The following ZFHX3 variants were observed in gnomAD, a reference collection of about 807,000 sequenced individuals.
ZFHX3 encodes the protein zinc finger homeobox protein 3.
In ZFHX3, 42 loss-of-function variants were observed where a neutral mutation model predicts 279.1. The observed-to-expected ratio is 0.15, with a 90% CI of 0.12 to 0.19. ZFHX3 has a LOEUF of 0.19. Ranked by LOEUF, ZFHX3 falls within the 10% of genes least tolerant of loss-of-function variation. The pLI, the probability that ZFHX3 is intolerant of heterozygous loss-of-function variation, is 1.00. For missense variants in ZFHX3, 4,981 were observed against 4,754.0 expected, an observed-to-expected ratio of 1.05 and a Z score of -1.40; for synonymous variants, 2,293 against 1,957.8, an observed-to-expected ratio of 1.17 and a Z score of -4.52.
At chr16:73,430,885 T>A (rs1224561535) in intron 3 of ZFHX3, among the ~76,000 whole-genome samples, 1 of 152,202 alleles carries the variant, frequency 6.6e-6, no homozygotes, top group Non-Finnish European at 1.5e-5. Flanking sequence ...GCTAATTACC[T>A]TTGTGTTTCC....
At chr16:73,043,940 G>T (rs191902826) in intron 1 of ZFHX3, among the ~76,000 whole-genome samples, 3 of 152,172 alleles carry the variant, frequency 2.0e-5, no homozygotes, top group Non-Finnish European at 4.4e-5. Context: ...GCTTGCCAAT[G>T]AGCCAAGATT....
intron 4 of ZFHX3, among the ~76,000 whole-genome samples, chr16:72,859,393 C>T (rs907272991): frequency 6.6e-6 from 1 of 152,154 alleles, no homozygotes; most frequent in Non-Finnish European, 1.5e-5. Flanking sequence ...ATGACAACCG[C>T]TATCGTCCCA....
chr16:73,157,195 T>C (rs906088920), intron 5 of ZFHX3, among the ~76,000 whole-genome samples: 1 of 152,152 alleles, frequency 6.6e-6, no homozygotes, highest in Admixed American at 6.5e-5. Flanking sequence ...TTTAGTTCCC[T>C]TTCCTTACCC....
chr16:73,278,249 C>T (rs1248418563), intron 4 of ZFHX3, among the ~76,000 whole-genome samples: 1 of 152,098 alleles, frequency 6.6e-6, no homozygotes, highest in East Asian at 1.9e-4. Context: ...GTTTTTGTTA[C>T]TGTTGTTGTA....
chr16:73,105,348 TATATACAC>T (rs1323569397), intron 7 of ZFHX3, among the ~76,000 whole-genome samples: 5 of 118,694 alleles, frequency 4.2e-5, no homozygotes, highest in South Asian at 3.0e-4. Flanking sequence ...TGTGTATATA[TATATACAC>T]ATATATATAC....
At chr16:73,852,185 G>T (rs910900181) in intron 1 of ZFHX3, among the ~76,000 whole-genome samples, 1 of 152,192 alleles carries the variant, frequency 6.6e-6, no homozygotes, top group Non-Finnish European at 1.5e-5. Flanking sequence ...ATAACTGCAG[G>T]CTGTTTTGTT....
Position 73,425,491 on chromosome 16 carries a change from C to T in ZFHX3, c.-1291+30512G>A, listed in dbSNP as rs186763746. The stretch of plus-strand genomic sequence containing the variant: ...TAGATGAAAATACTAAGGATCCAAG[C>T]GCTAAAGTGATTTGTCCAAGGCCTT... On this transcript the variant is annotated intron_variant, in intron 3 of 17. Transcript: ENST00000641206. 5.0e-3 allele frequency among the ~76,000 whole-genome samples: 763 copies of T among 152,220 alleles called. 5 individuals carry two copies. The highest frequency in any genetic ancestry group is 8.6e-3 in the Non-Finnish European group (588 of 68,014).
intron 4 of ZFHX3, among the ~76,000 whole-genome samples, chr16:72,875,599 C>A (rs1597335341): frequency 6.6e-6 from 1 of 152,214 alleles, no homozygotes; most frequent in East Asian, 1.9e-4. Flanking sequence ...GATGAACAAA[C>A]CATTCCGCCC....
chr16:73,632,527 A>C (rs547521297), intron 2 of ZFHX3, among the ~76,000 whole-genome samples: 1 of 151,840 alleles, frequency 6.6e-6, no homozygotes, highest in Non-Finnish European at 1.5e-5. Context: ...CTCTACTAAA[A>C]ATACAAAAAT....
rs1308052125 is a variant in ZFHX3 at position 72,798,319 on chromosome 16, G to A, written c.4363C>T (p.Leu1455=). The A allele has an allele frequency of 9.9e-6, 16 of 1,614,186 alleles. No homozygotes were observed. Among genetic ancestry groups the A allele is most frequent in the Non-Finnish European group, 1.4e-5 (16 of 1,180,036 alleles). ...KKHLETSHLE[L]SEADIQQLYG... ...AGCTGTTGGATGTCAGCCTCACTCA[G>A]CTCCAGGTGGCTTGTCTCAAGGTGC... Residue 1455 remains leucine (L), a synonymous_variant, in exon 9 of 10, where the codon CTG becomes TTG. Transcript: ENST00000268489.
intron 4 of ZFHX3, 51 bp from the exon 5 acceptor site, chr16:72,829,910 G>A (rs768113839): frequency 2.3e-5 from 37 of 1,605,044 alleles, no homozygotes; most frequent in Non-Finnish European, 3.0e-5. Context: ...AGAAGATGAA[G>A]GACTTTTGGC....
At chr16:73,529,535 C>T (rs9932020) in intron 2 of ZFHX3, among the ~76,000 whole-genome samples, 3,110 of 152,246 alleles carry the variant, frequency 0.02, 103 homozygotes, top group African/African-American at 0.071. Flanking sequence ...CTGCTTGGCT[C>T]CTGCCTCCTG....
intron 1 of ZFHX3, among the ~76,000 whole-genome samples, chr16:72,966,810 T>A (rs1961864731): frequency 6.6e-6 from 1 of 152,194 alleles, no homozygotes; most frequent in Non-Finnish European, 1.5e-5. Context: ...ATGAGGGGAA[T>A]CTATAAGGAA....
At chr16:73,105,956 C>A (rs985819106) in intron 7 of ZFHX3, among the ~76,000 whole-genome samples, 1 of 130,278 alleles carries the variant, frequency 7.7e-6, no homozygotes, top group Admixed American at 8.3e-5. Flanking sequence ...CATCTCCTAC[C>A]TCTGTGCTTA....
intron 1 of ZFHX3, among the ~76,000 whole-genome samples, chr16:73,719,240 A>T (rs1392979418): frequency 2.0e-5 from 3 of 152,206 alleles, no homozygotes. Context: ...AAGGTGAACC[A>T]TAGTAAGAAT....
intron 2 of ZFHX3, among the ~76,000 whole-genome samples, chr16:73,525,905 T>C (rs1171290557): frequency 1.3e-5 from 2 of 152,140 alleles, no homozygotes; most frequent in Non-Finnish European, 2.9e-5. Flanking sequence ...CAAAAGCAGG[T>C]GAGAGCCAGA....
chr16:73,870,246 C>T (rs545792038), intron 1 of ZFHX3, among the ~76,000 whole-genome samples: 13 of 152,254 alleles, frequency 8.5e-5, no homozygotes, highest in African/African-American at 2.6e-4. Context: ...AGAGAATCTC[C>T]CCCGTACCAC....
chr16:72,913,957 G>A (rs2039380684), intron 3 of ZFHX3, among the ~76,000 whole-genome samples: 1 of 152,152 alleles, frequency 6.6e-6, no homozygotes, highest in Non-Finnish European at 1.5e-5. Context: ...CCAGATGAAT[G>A]AGATGGCACA....
intron 3 of ZFHX3, among the ~76,000 whole-genome samples, chr16:73,332,093 G>A (rs931103982): frequency 6.6e-6 from 1 of 152,162 alleles, no homozygotes; most frequent in Non-Finnish European, 1.5e-5. Context: ...AAGTAATATT[G>A]ATTCTCTCTT....
Sources: allele counts gnomAD v4.1 joint callset (sites outside exome capture counted in the v4.1 genomes callset), GRCh38; gene constraint gnomAD v4.1.1; transcripts MANE v1.5; gene names NCBI Gene and HGNC (gene_info 2026-07-23, HGNC 2026-07-21).